The following CLSTN2 variants were observed in gnomAD, a reference collection of about 807,000 sequenced individuals.
The protein encoded by CLSTN2 is calsyntenin-2.
CLSTN2 carries 48 observed loss-of-function variants against 101.2 expected under a neutral mutation model. That is an observed-to-expected ratio of 0.47 (90% CI 0.38 to 0.60). The LOEUF (loss-of-function observed/expected upper bound fraction) is 0.60. CLSTN2 is among the 20% of genes least tolerant of loss of function. The pLI, the probability that CLSTN2 is intolerant of heterozygous loss-of-function variation, is 0.00. For synonymous variants in CLSTN2, 481 were observed against 463.6 expected (o/e 1.04, Z -0.48); for missense variants, 1,160 against 1,238.2 (o/e 0.94, Z 0.95).
At chr3:140,079,750 C>T (rs201692755) in intron 1 of CLSTN2, among the ~76,000 whole-genome samples, 1 of 106,404 alleles carries the variant, frequency 9.4e-6, no homozygotes, top group Admixed American at 1.0e-4. Context: ...GACTATGTCT[C>T]AAAAAAAAAA....
At chr3:140,117,204 C>T (rs576500923) in intron 1 of CLSTN2, among the ~76,000 whole-genome samples, 1 of 152,180 alleles carries the variant, frequency 6.6e-6, no homozygotes, top group South Asian at 2.1e-4. Flanking sequence ...GAAGAATGAC[C>T]TCTACCCTGC....
At chr3:140,377,042 A>AGAGAGAGAGAGAGAATG (rs143529942) in intron 2 of CLSTN2, among the ~76,000 whole-genome samples, 1 of 149,688 alleles carries the variant, frequency 6.7e-6, no homozygotes, top group East Asian at 2.0e-4. Context: ...GAGAGAGAGG[A>AGAGAGAGAGAGAGAATG]TGTGTGTGTG....
chr3:140,128,426 A>G (rs2009470063), intron 1 of CLSTN2, among the ~76,000 whole-genome samples: 1 of 152,216 alleles, frequency 6.6e-6, no homozygotes, highest in Non-Finnish European at 1.5e-5. Context: ...GCACATTCAA[A>G]TTAGGTAGTA....
At chr3:140,130,030 G>A (rs11922045) in intron 1 of CLSTN2, among the ~76,000 whole-genome samples, 2,125 of 152,326 alleles carry the variant, frequency 0.014, 48 homozygotes, top group African/African-American at 0.048. Flanking sequence ...TTAGCAAAGT[G>A]CTAGTGGGAT....
At chr3:139,961,214 G>A (rs914518762) in intron 1 of CLSTN2, among the ~76,000 whole-genome samples, 3 of 152,086 alleles carry the variant, frequency 2.0e-5, no homozygotes, top group South Asian at 2.1e-4. Flanking sequence ...TTTATAAAAC[G>A]GGTCCGAAGT....
At position 140,185,145 on chromosome 3, in the gene CLSTN2, G is replaced by A. The variant is rs565661559; in HGVS notation, c.232+9072G>A. The stretch of plus-strand genomic sequence containing the variant: ...GTTTTATTTGCTATATCCCAAGTCC[G>A]GGGGACTTGGCAAGAGTCTGCAGAA... On this transcript the variant is annotated intron_variant, in intron 2 of 16. Transcript: ENST00000458420. Among the ~76,000 whole-genome samples the A allele has an allele frequency of 8.5e-5, 13 of 152,152 alleles. No individual in the cohort carries two copies. The East Asian group carries it at 9.7e-4, about 11-fold the overall frequency.
chr3:139,989,128 A>T (rs1936076977), intron 1 of CLSTN2, among the ~76,000 whole-genome samples: 1 of 152,086 alleles, frequency 6.6e-6, no homozygotes, highest in African/African-American at 2.4e-5. Context: ...ACAGGCAAAA[A>T]ATGGTCAAGC....
chr3:140,095,790 T>C (rs903845665), intron 1 of CLSTN2, among the ~76,000 whole-genome samples: 2 of 152,146 alleles, frequency 1.3e-5, no homozygotes, highest in Admixed American at 6.5e-5. Context: ...GTGACGAACA[T>C]CTGTGTCTCT....
chr3:139,944,688 T>C (rs1002435040), intron 1 of CLSTN2, among the ~76,000 whole-genome samples: 4 of 152,354 alleles, frequency 2.6e-5, no homozygotes, highest in Admixed American at 2.6e-4. Flanking sequence ...GGGTGACTGG[T>C]GCTAGGGCGC....
At chr3:140,406,057 G>A (rs956537998) in intron 4 of CLSTN2, among the ~76,000 whole-genome samples, 5 of 152,208 alleles carry the variant, frequency 3.3e-5, no homozygotes, top group Non-Finnish European at 5.9e-5. Flanking sequence ...TCCAGTGGCA[G>A]CAAGGGTGAA....
chr3:140,562,442 C>T (rs1350706343), intron 13 of CLSTN2, 134 bp downstream of exon 13: 1 of 886,466 alleles, frequency 1.1e-6, no homozygotes, highest in African/African-American at 1.7e-5. Context: ...TCCTTGGCCT[C>T]AAGCATGGAT....
intron 8 of CLSTN2, among the ~76,000 whole-genome samples, chr3:140,496,557 T>C (rs1403386245): frequency 6.6e-6 from 1 of 152,236 alleles, no homozygotes; most frequent in Non-Finnish European, 1.5e-5. Flanking sequence ...TCAAGGGGAA[T>C]GCGTCCAGCT....
intron 5 of CLSTN2, among the ~76,000 whole-genome samples, chr3:140,438,956 A>T (rs1455457354): frequency 6.6e-6 from 1 of 152,180 alleles, no homozygotes; most frequent in Admixed American, 6.5e-5. Flanking sequence ...TCTGAACACC[A>T]CATAGTTCTC....
At chr3:139,970,575 A>G (rs1383472155) in intron 1 of CLSTN2, among the ~76,000 whole-genome samples, 1 of 152,122 alleles carries the variant, frequency 6.6e-6, no homozygotes, top group Admixed American at 6.5e-5. Flanking sequence ...AGGCATCTGG[A>G]CCATTTCGGT....
intron 2 of CLSTN2, among the ~76,000 whole-genome samples, chr3:140,298,899 G>A (rs1469321163): frequency 1.3e-5 from 2 of 152,148 alleles, no homozygotes; most frequent in Non-Finnish European, 2.9e-5. Flanking sequence ...AAAAGCTAGG[G>A]GACTTGGGAA....
At chr3:140,071,923 TGA>T (rs2008404336) in intron 1 of CLSTN2, among the ~76,000 whole-genome samples, 1 of 151,992 alleles carries the variant, frequency 6.6e-6, no homozygotes, top group Admixed American at 6.6e-5. Flanking sequence ...GAAATGTAAG[TGA>T]AAACAACTAT....
intron 1 of CLSTN2, among the ~76,000 whole-genome samples, chr3:140,080,101 G>A (rs1475267023): frequency 1.3e-5 from 2 of 152,110 alleles, no homozygotes; most frequent in Non-Finnish European, 2.9e-5. Flanking sequence ...CTAGAGTGAG[G>A]CCAGAGTTCA....
chr3:140,329,783 T>C (rs1048463529), intron 2 of CLSTN2, among the ~76,000 whole-genome samples: 1 of 152,224 alleles, frequency 6.6e-6, no homozygotes, highest in African/African-American at 2.4e-5. Context: ...CAGGTGCCAC[T>C]AAAATATAAA....
intron 4 of CLSTN2, among the ~76,000 whole-genome samples, chr3:140,418,559 C>T (rs1229067199): frequency 6.2e-5 from 9 of 144,654 alleles, no homozygotes; most frequent in Non-Finnish European, 1.2e-4. Context: ...ACTCTGTGGC[C>T]CAGGCTGGAA....
Sources: allele counts gnomAD v4.1 joint callset (sites outside exome capture counted in the v4.1 genomes callset), GRCh38; gene constraint gnomAD v4.1.1; transcripts MANE v1.5; gene names NCBI Gene and HGNC (gene_info 2026-07-23, HGNC 2026-07-21).